NFKB1: variants seen among roughly 807,000 people sequenced by gnomAD.
NFKB1 encodes the protein nuclear factor kappa B subunit 1.
A neutral mutation model predicts 105.1 loss-of-function variants in NFKB1; 9 were observed. That is an observed-to-expected ratio of 0.09 (90% confidence interval 0.05 to 0.15). The LOEUF (loss-of-function observed/expected upper bound fraction) is 0.15. Ranked by LOEUF, NFKB1 falls within the 10% of genes least tolerant of loss-of-function variation. NFKB1 has a pLI of 1.00. For synonymous variants in NFKB1, 440 were observed against 442.2 expected, an observed-to-expected ratio of 1.00 and a Z score of 0.06; for missense variants, 830 against 1,203.7, an observed-to-expected ratio of 0.69 and a Z score of 4.59.
intron 4 of NFKB1, among the ~76,000 whole-genome samples, chr4:102,536,777 G>A (rs1741666354): frequency 6.6e-6 from 1 of 152,070 alleles, no homozygotes; most frequent in Non-Finnish European, 1.5e-5. Flanking sequence ...TCCCACAATA[G>A]AAACAAAAGG....
intron 5 of NFKB1, among the ~76,000 whole-genome samples, chr4:102,554,381 A>C (rs751392038): frequency 6.6e-6 from 1 of 152,198 alleles, no homozygotes; most frequent in Non-Finnish European, 1.5e-5. Context: ...ACACAAATGT[A>C]TTTGGTGTAA....
chr4:102,610,616 C>A lies in NFKB1; in HGVS notation c.2269C>A (p.Leu757Met), dbSNP rs1206315302. 1.9e-6 allele frequency: 3 copies of A among 1,614,014 alleles called. No individual in the cohort carries two copies. The South Asian group carries it at 3.3e-5, about 18-fold the overall frequency. ...LVENFEPLYD[L>M]DDSWENAGED... ...GGAGAACTTTGAGCCTCTCTATGAC[C>A]TGGATGACTCTTGGGAAAATGCAGG... The change falls in exon 20 of 24, where the codon CTG becomes ATG. Residue 757 changes from leucine (L) to methionine (M), a missense_variant. By Grantham distance (15) the Leu-to-Met change is conservative. Coordinates refer to ENST00000226574, the MANE Select transcript of NFKB1 (RefSeq NM_003998.4).
chr4:102,594,261 A>G (rs562563157), intron 12 of NFKB1, among the ~76,000 whole-genome samples: 1 of 152,214 alleles, frequency 6.6e-6, no homozygotes, highest in Non-Finnish European at 1.5e-5. Flanking sequence ...AACAAACCAT[A>G]GTATAACTTA....
At chr4:102,517,182 T>C (rs930380602) in intron 1 of NFKB1, among the ~76,000 whole-genome samples, 11 of 152,326 alleles carry the variant, frequency 7.2e-5, no homozygotes, top group African/African-American at 2.4e-4. Context: ...TTCTGCCCAT[T>C]GGTGTTCTCT....
At chr4:102,598,115 A>G (rs1165355091) in intron 15 of NFKB1, among the ~76,000 whole-genome samples, 1 of 152,220 alleles carries the variant, frequency 6.6e-6, no homozygotes, top group Non-Finnish European at 1.5e-5. Flanking sequence ...ATTATTTCCC[A>G]GTTACTGGTT....
intron 7 of NFKB1, 130 bp from the exon 8 acceptor site, chr4:102,578,751 T>C: frequency 3.5e-6 from 3 of 859,168 alleles, no homozygotes; most frequent in Non-Finnish European, 5.3e-6. Context: ...TTATTAGCAA[T>C]ATGAAGAGTT....
intron 20 of NFKB1, 27 bp from the exon 21 acceptor site, chr4:102,612,017 G>A (rs374127358): frequency 1.5e-5 from 24 of 1,599,224 alleles, no homozygotes; most frequent in South Asian, 8.8e-5. Context: ...GATGTATAAC[G>A]ATTTCTGGTG....
At chr4:102,565,143 T>G (rs1375869414) in intron 5 of NFKB1, among the ~76,000 whole-genome samples, 2 of 150,824 alleles carry the variant, frequency 1.3e-5, no homozygotes, top group Non-Finnish European at 3.0e-5. Flanking sequence ...ACCCAGAGTT[T>G]TTTTTTTTTT....
Position 102,612,108 on chromosome 4 carries a change from A to C in NFKB1, c.2417A>C (p.Gln806Pro). 6.2e-7 allele frequency: 1 copy of C among 1,613,616 alleles called. No individual in the cohort carries two copies. Among genetic ancestry groups the C allele is most frequent in the African/African-American group, 1.3e-5 (1 of 75,052 alleles). The change falls in exon 21 of 24, where the codon CAA becomes CCA. Residue 806 changes from glutamine (Q) to proline (P), a missense_variant and splice_region_variant. Around this residue, in one of 8 missense-constraint regions of NFKB1, gnomAD observed 418 missense variants for 575.3 expected, o/e 0.73. Transcript: ENST00000226574. ...TTTACATCTGATGATTTACTAGCAC[A>C]AGGTGGGTTGTGATAAAACCAGATT... ...PEFTSDDLLA[Q>P]GDMKQLAEDV...
At chr4:102,580,311 C>T (rs2066635060) in intron 8 of NFKB1, among the ~76,000 whole-genome samples, 1 of 152,040 alleles carries the variant, frequency 6.6e-6, no homozygotes, top group African/African-American at 2.4e-5. Context: ...AAACAAATAC[C>T]TGTTCCTTTC....
At chr4:102,606,768 C>T (rs1316170120) in intron 17 of NFKB1, 71 bp downstream of exon 17, 30 of 1,470,304 alleles carry the variant, frequency 2.0e-5, no homozygotes, top group African/African-American at 2.8e-5. Flanking sequence ...ATTTGATAAA[C>T]GTGTGTTATT....
At chr4:102,525,314 ATTAT>A (rs1346605792) in intron 1 of NFKB1, among the ~76,000 whole-genome samples, 194 bp from the exon 2 acceptor site, 1 of 152,214 alleles carries the variant, frequency 6.6e-6, no homozygotes, top group African/African-American at 2.4e-5. Context: ...TAATTCCTAG[ATTAT>A]GCAATCTCCT....
Position 102,537,879 on chromosome 4 carries a change from G to A in NFKB1, c.181G>A (p.Val61Ile). 5 of 1,610,234 alleles carry A rather than the reference G, an allele frequency of 3.1e-6. No individual in the cohort carries two copies. Among genetic ancestry groups the A allele is most frequent in the Non-Finnish European group, 4.2e-6 (5 of 1,176,972 alleles). Residue 61 changes from valine to isoleucine, a missense_variant, in exon 5 of 24, where the codon GTA becomes ATA. Physicochemically the swap from Val to Ile is conservative, Grantham distance 29. Around this residue, in one of 8 missense-constraint regions of NFKB1, gnomAD observed 15 missense variants for 45.9 expected, o/e 0.33. Coordinates refer to ENST00000226574, the MANE Select transcript of NFKB1 (RefSeq NM_003998.4). ...PKQRGFRFRYVCEGPSHGGLP... is the reference protein window; with the variant it reads ...PKQRGFRFRYICEGPSHGGLP... ...GCAGAGAGGATTTCGTTTCCGTTATGTATGTGAAGGCCCATCCCATGGTGG... is the reference window on the plus strand; with the variant it reads ...GCAGAGAGGATTTCGTTTCCGTTATATATGTGAAGGCCCATCCCATGGTGG...
At chr4:102,577,372 A>G (rs1467191997) in intron 7 of NFKB1, among the ~76,000 whole-genome samples, 1 of 151,934 alleles carries the variant, frequency 6.6e-6, no homozygotes, top group Non-Finnish European at 1.5e-5. Context: ...AAAACACCCC[A>G]CCGTTTCCAT....
intron 11 of NFKB1, among the ~76,000 whole-genome samples, chr4:102,591,041 A>C (rs1481334484): frequency 6.6e-6 from 1 of 152,168 alleles, no homozygotes; most frequent in African/African-American, 2.4e-5. Context: ...AAAAGTTGGA[A>C]GCTAGCAGAG....
Position 102,606,507 on chromosome 4 carries a change from C to T in NFKB1, c.1764C>T (p.His588=). 3 of 1,614,056 alleles carry T rather than the reference C, an allele frequency of 1.9e-6. No individual in the cohort carries two copies. Among genetic ancestry groups the T allele is most frequent in the Non-Finnish European group, 2.5e-6 (3 of 1,179,978 alleles). The change falls in exon 17 of 24, where the codon CAC becomes CAT. Residue 588 remains histidine (H), a synonymous_variant. Transcript: ENST00000226574. ...MRNDLYQTPL[H]LAVITKQEDV... is the part of the protein sequence containing the mutation. Reference sequence around the variant, plus strand: ...CTTTCACTTTCCAGACGCCCTTGCACTTGGCAGTGATCACTAAGCAGGAAG... The same window carrying T: ...CTTTCACTTTCCAGACGCCCTTGCATTTGGCAGTGATCACTAAGCAGGAAG...
At chr4:102,611,930 T>C in intron 20 of NFKB1, 114 bp from the exon 21 acceptor site, 1 of 748,390 alleles carries the variant, frequency 1.3e-6, no homozygotes. Flanking sequence ...CCTCCATCAT[T>C]AGGGTACCAG....
At chr4:102,594,588 T>G (rs1400065731) in intron 12 of NFKB1, among the ~76,000 whole-genome samples, 1 of 152,218 alleles carries the variant, frequency 6.6e-6, no homozygotes, top group Non-Finnish European at 1.5e-5. Flanking sequence ...AGTCTGAGTT[T>G]GGTTGGTGAC....
intron 1 of NFKB1, among the ~76,000 whole-genome samples, chr4:102,524,174 G>T (rs145834195): frequency 2.1e-5 from 3 of 145,030 alleles, no homozygotes; most frequent in Admixed American, 2.0e-4. Flanking sequence ...ATAATAATAA[G>T]GACATTTCTC....
Sources: allele counts gnomAD v4.1 joint callset (sites outside exome capture counted in the v4.1 genomes callset), GRCh38; gene constraint gnomAD v4.1.1; regional missense constraint gnomAD v4.1.1; transcripts MANE v1.5; gene names NCBI Gene and HGNC (gene_info 2026-07-23, HGNC 2026-07-21).